PALM3: variants seen among roughly 807,000 people sequenced by gnomAD.
The protein encoded by PALM3 is paralemmin-3.
PALM3 carries 20 observed loss-of-function variants against 27.9 expected under a neutral mutation model. The observed-to-expected ratio is 0.72, with a 90% CI of 0.50 to 1.04. The LOEUF is 1.04. Among genes scored for constraint, PALM3 ranks in the 50% least tolerant of loss-of-function variants. The pLI, the probability that PALM3 is intolerant of heterozygous loss-of-function variation, is 0.00. For synonymous variants in PALM3, 328 were observed against 352.7 expected, an observed-to-expected ratio of 0.93 and a Z score of 0.79; for missense variants, 814 against 869.4, an observed-to-expected ratio of 0.94 and a Z score of 0.80.
rs1976323620 is a variant in PALM3, at chr19:14,057,274, C to G, written c.171+77G>C. 4 of 923,740 alleles carry G rather than the reference C, an allele frequency of 4.3e-6. No individual in the cohort carries two copies. The Admixed American group carries it at 1.4e-4, about 32-fold the overall frequency. 57.2% of individuals were successfully genotyped at this position (923,740 alleles called of 1,614,324 possible). A position where few individuals can be genotyped will look rare whatever the true frequency, so the allele number is the denominator to read the frequency against. ...CCAAAAATTGGACAGAGGCTCCTAT[C>G]GTCCCCCAAACCGACTTGCACAGAC... On this transcript the variant is annotated intron_variant, in intron 3 of 6. Transcript: ENST00000669674.
intron 1 of PALM3, among the ~76,000 whole-genome samples, chr19:14,061,726 G>A (rs1157995373): frequency 6.6e-6 from 1 of 152,092 alleles, no homozygotes; most frequent in African/African-American, 2.4e-5. Context: ...GAAGAGGAAG[G>A]GGCAGGGGGA....
rs1976268288 is a variant in PALM3, at chr19:14,054,792, C to T, written c.880G>A (p.Glu294Lys). 1 of 1,550,576 alleles carries T rather than the reference C, an allele frequency of 6.4e-7. No individual in the cohort carries two copies. The highest frequency in any genetic ancestry group is 2.0e-5 in the Admixed American group (1 of 50,854). The change falls in exon 7 of 7, where the codon GAG becomes AAG. Residue 294 changes from glutamate (E) to lysine (K), a missense_variant. Glu to Lys is a moderately conservative substitution (Grantham distance 56). Transcript: ENST00000669674. Reference sequence around the variant, plus strand: ...TCTGCATCACTGCCACCCACCCCCTCCCAGACCACCTCCACGATGCCCCTG... The same window carrying T: ...TCTGCATCACTGCCACCCACCCCCTTCCAGACCACCTCCACGATGCCCCTG... ...EDRGIVEVVWEGVGGSDAEAM... is the reference protein window; with the variant it reads ...EDRGIVEVVWKGVGGSDAEAM...
rs1056175040 is a variant in PALM3, at chr19:14,055,416, G to C, written c.409C>G (p.Pro137Ala). The change falls in exon 6 of 7, where the codon CCT becomes GCT. Residue 137 changes from proline (P) to alanine (A), a missense_variant. Pro to Ala is a conservative substitution (Grantham distance 27, BLOSUM62 -1). Transcript: ENST00000669674. ...RPSWRRQGHR[P>A]LSQSIVEAGS... ...GCCTCGACAATGGACTGGGAGAGAGGACGGTGACCCTGCAGAGATGGCGGA... is the reference window on the plus strand; with the variant it reads ...GCCTCGACAATGGACTGGGAGAGAGCACGGTGACCCTGCAGAGATGGCGGA... The C allele has an allele frequency of 2.4e-5, 37 of 1,551,462 alleles. No homozygotes were observed. The highest frequency in any genetic ancestry group is 3.1e-5 in the Non-Finnish European group (36 of 1,146,960).
At chr19:14,057,320 G>A (rs1261224425) in intron 3 of PALM3, 31 bp downstream of exon 3, 1 of 1,500,232 alleles carries the variant, frequency 6.7e-7, no homozygotes, top group Non-Finnish European at 8.9e-7. Context: ...CCATTCCCCA[G>A]GCTAGGCAGG....
At position 14,056,784 on chromosome 19, in the gene PALM3, A is replaced by G. The variant is rs1315466473; in HGVS notation, c.192T>C (p.Arg64=). 6.5e-7 allele frequency: 1 copy of G among 1,550,144 alleles called. No homozygotes were observed. Among genetic ancestry groups the G allele is most frequent in the Non-Finnish European group, 8.7e-7 (1 of 1,146,250 alleles). ...ERLKRKSLRE[R]WLMDGAAAVP... ...CTGCAGCTGCCCCATCCATTAGCCA[A>G]CGTTCCCGGAGAGACTTCCTCTGGG... is the stretch of plus-strand genomic sequence containing the variant. The change falls in exon 4 of 7, where the codon CGT becomes CGC. Residue 64 remains arginine, a synonymous_variant. Transcript: ENST00000669674.
In PALM3 at chr19:14,054,712, C is replaced by A. The variant is rs1351280441; in HGVS notation, c.960G>T (p.Arg320Ser). 1.3e-6 allele frequency: 2 copies of A among 1,551,608 alleles called. No homozygotes were observed. The highest frequency in any genetic ancestry group is 1.7e-6 in the Non-Finnish European group (2 of 1,147,034). The change falls in exon 7 of 7, where the codon AGG becomes AGT. Residue 320 changes from arginine to serine, a missense_variant. By Grantham distance (110) the Arg-to-Ser change is moderately radical (BLOSUM62 -1). Coordinates refer to ENST00000669674, the MANE Select transcript of PALM3 (RefSeq NM_001145028.2). Reference protein sequence around the residue: ...VPEVVQTSSPRLQERLEAAAS... With the variant: ...VPEVVQTSSPSLQERLEAAAS... The stretch of plus-strand genomic sequence containing the variant: ...CTGCTGCCTCTAATCTCTCCTGGAG[C>A]CTAGGCGAGCTAGTCTGCACGACCT...
chr19:14,056,390 C>T, intron 5 of PALM3, 39 bp downstream of exon 5: 1 of 1,507,918 alleles, frequency 6.6e-7, no homozygotes, highest in Non-Finnish European at 9.0e-7. Context: ...GGCCTGCTGG[C>T]CATGCCCTCC....
chr19:14,056,339 C>T (rs1976303815), intron 5 of PALM3, 90 bp downstream of exon 5: 1 of 1,330,012 alleles, frequency 7.5e-7, no homozygotes, highest in African/African-American at 1.5e-5. Context: ...CCAGGCTGCC[C>T]TTGGAGAAAG....
intron 5 of PALM3, among the ~76,000 whole-genome samples, 178 bp from the exon 6 acceptor site, chr19:14,055,603 G>A (rs1265588608): frequency 1.3e-5 from 2 of 151,790 alleles, no homozygotes; most frequent in African/African-American, 2.4e-5. Context: ...CTATGTTCCA[G>A]GGCCTTGCAC....
In PALM3 at chr19:14,056,505, G is replaced by T; in HGVS notation, c.323C>A (p.Ser108Tyr). ...AGCACTTTGCAACAGTTGCAGCTGG[G>T]ACTGGAGTCTGAAGAAGAGAGAGGG... ...NLEDSLFTLQ[S>Y]QLQLLQSAST... Residue 108 changes from serine (S) to tyrosine (Y), a missense_variant, in exon 5 of 7, where the codon TCC becomes TAC. By Grantham distance (144) the Ser-to-Tyr change is moderately radical. Coordinates refer to ENST00000669674, the MANE Select transcript of PALM3 (RefSeq NM_001145028.2). 1 of 1,551,488 alleles carries T rather than the reference G, an allele frequency of 6.4e-7. No homozygotes were observed. The highest frequency in any genetic ancestry group is 1.2e-5 in the South Asian group (1 of 83,986).
At chr19:14,055,710 G>A (rs528863342) in intron 5 of PALM3, among the ~76,000 whole-genome samples, 2 of 152,242 alleles carry the variant, frequency 1.3e-5, no homozygotes, top group African/African-American at 4.8e-5. Context: ...GGACACTTAA[G>A]CCTTTTGTTT....
At chr19:14,056,596 TGCC>T in intron 4 of PALM3, 63 bp downstream of exon 4, 2 of 1,551,318 alleles carry the variant, frequency 1.3e-6, no homozygotes, top group Non-Finnish European at 1.7e-6. Context: ...CCTTGGAATG[TGCC>T]CAGGGTCTCG....
Position 14,054,957 on chromosome 19 carries a change from C to G in PALM3, c.715G>C (p.Gly239Arg). 6.5e-7 allele frequency: 1 copy of G among 1,549,962 alleles called. No homozygotes were observed. The highest frequency in any genetic ancestry group is 8.7e-7 in the Non-Finnish European group (1 of 1,146,780). Residue 239 changes from glycine (G) to arginine (R), a missense_variant, in exon 7 of 7, where the codon GGG becomes CGG. Coordinates refer to ENST00000669674, the MANE Select transcript of PALM3 (RefSeq NM_001145028.2). ...GGGVVSVVWE[G>R]LRATEDCATG... ...GCACAGTCCTCTGTGGCCCTCAGCCCTTCCCACACCACACTCACCACGCCC... is the reference window on the plus strand; with the variant it reads ...GCACAGTCCTCTGTGGCCCTCAGCCGTTCCCACACCACACTCACCACGCCC...
At chr19:14,061,918 C>T (rs1334306527) in intron 1 of PALM3, 22 bp downstream of exon 1, 4 of 984,642 alleles carry the variant, frequency 4.1e-6, no homozygotes, top group Non-Finnish European at 4.8e-6. Context: ...CCACCAGCCC[C>T]CCTGACCCCC....
Position 14,054,701 on chromosome 19 carries a change from C to G in PALM3, c.971G>C (p.Arg324Thr). The G allele has an allele frequency of 6.4e-7, 1 of 1,551,652 alleles. No individual in the cohort carries two copies. The highest frequency in any genetic ancestry group is 8.7e-7 in the Non-Finnish European group (1 of 1,146,948). Residue 324 changes from arginine (R) to threonine (T), a missense_variant, in exon 7 of 7, where the codon AGA (arginine) becomes ACA (threonine). Coordinates refer to ENST00000669674, the MANE Select transcript of PALM3 (RefSeq NM_001145028.2). Reference protein sequence around the residue: ...VQTSSPRLQERLEAAASIEGE... With the variant: ...VQTSSPRLQETLEAAASIEGE... ...TTCTATGGAAGCTGCTGCCTCTAAT[C>G]TCTCCTGGAGCCTAGGCGAGCTAGT...
In PALM3 at chr19:14,055,056, T is replaced by A; in HGVS notation, c.616A>T (p.Ile206Phe). 2 of 1,549,930 alleles carry A rather than the reference T, an allele frequency of 1.3e-6. No individual in the cohort carries two copies. Among genetic ancestry groups the A allele is most frequent in the Non-Finnish European group, 1.7e-6 (2 of 1,145,644 alleles). Residue 206 changes from isoleucine (I) to phenylalanine (F), a missense_variant, in exon 7 of 7, where the codon ATC (isoleucine) becomes TTC (phenylalanine). Ile to Phe is a conservative substitution (Grantham distance 21). Coordinates refer to ENST00000669674, the MANE Select transcript of PALM3 (RefSeq NM_001145028.2). ...CTTAGCCCCTGCTCTGGAGTGGGGA[T>A]GGGGCTGGGGCATGGGCCATTGGCT... ...SEANGPCPSP[I>F]PTPEQGLSQR...
Position 14,053,700 on chromosome 19 carries a change from C to T in PALM3, c.1972G>A (p.Ala658Thr), listed in dbSNP as rs1388322963. 56 of 1,501,996 alleles carry T rather than the reference C, an allele frequency of 3.7e-5. No individual in the cohort carries two copies. Among genetic ancestry groups the T allele is most frequent in the South Asian group, 2.0e-4 (15 of 74,942 alleles). The allele number at this position is 1,501,996 out of a possible 1,614,324, so 93.0% of individuals were successfully genotyped here. The change falls in exon 7 of 7, where the codon GCG (alanine) becomes ACG (threonine). Residue 658 changes from alanine (A) to threonine (T), a missense_variant. Physicochemically the swap from Ala to Thr is moderately conservative, Grantham distance 58. Coordinates refer to ENST00000669674, the MANE Select transcript of PALM3 (RefSeq NM_001145028.2). ...GATGGCTCAGGCTGCCGGGCAGGCGCGTAGGTGGGCACAGGGTGGGCACTG... is the reference window on the plus strand; with the variant it reads ...GATGGCTCAGGCTGCCGGGCAGGCGTGTAGGTGGGCACAGGGTGGGCACTG... ...NPSAHPVPTY[A>T]PARQPEPSAP... is the part of the protein sequence containing the mutation.
Position 14,056,578 on chromosome 19 carries a change from G to C in PALM3, c.315-65C>G, listed in dbSNP as rs1056757283. ...GCTCCTTGGGCTCCTAGACTCAAGC[G>C]ACCACCTCCTTGGAATGTGCCCAGG... On this transcript the variant is annotated intron_variant, in intron 4 of 6. Transcript: ENST00000669674. 4 of 1,549,890 alleles carry C rather than the reference G, an allele frequency of 2.6e-6. No individual in the cohort carries two copies. In the South Asian group the frequency reaches 4.8e-5, roughly 18 times the overall value.
In PALM3 at chr19:14,053,809, T is replaced by C. The variant is rs1225706810; in HGVS notation, c.1863A>G (p.Thr621=). The change falls in exon 7 of 7, where the codon ACA becomes ACG. Residue 621 remains threonine, a synonymous_variant. Coordinates refer to ENST00000669674, the MANE Select transcript of PALM3 (RefSeq NM_001145028.2). ...GGGCTGGGGTCTCTGCCAGAAGAGG[T>C]GTGGCATCCCCCAAGGGGCCTTGGC... ...AEGQGPLGDA[T]PLLAETPAPE... The C allele has an allele frequency of 6.5e-7, 1 of 1,546,556 alleles. No individual in the cohort carries two copies. The highest frequency in any genetic ancestry group is 2.0e-5 in the Admixed American group (1 of 50,230).
Sources: gnomAD v4.1 joint callset for allele counts (sites outside exome capture counted in the v4.1 genomes callset) on GRCh38, gnomAD v4.1.1 for gene constraint, MANE v1.5 for transcripts, NCBI Gene and HGNC (gene_info 2026-07-23, HGNC 2026-07-21) for gene names.